SLC20A2: variants seen among roughly 807,000 people sequenced by gnomAD.
SLC20A2 encodes the protein sodium-dependent phosphate transporter 2.
In SLC20A2, 30 loss-of-function variants were observed where a neutral mutation model predicts 61.0. The ratio of observed to expected loss-of-function variants is 0.49; its 90% CI spans 0.37 to 0.67. The LOEUF is 0.67. SLC20A2 is among the 30% of genes least tolerant of loss of function. The pLI, the probability that SLC20A2 is intolerant of heterozygous loss-of-function variation, is 0.00. For synonymous variants in SLC20A2, 351 were observed against 353.3 expected (o/e 0.99, Z 0.07); for missense variants, 626 against 866.4 (o/e 0.72, Z 3.48).
intron 10 of SLC20A2, among the ~76,000 whole-genome samples, chr8:42,422,966 ATTTC>A (rs1803147225): frequency 6.6e-6 from 1 of 151,830 alleles, no homozygotes; most frequent in Non-Finnish European, 1.5e-5. Flanking sequence ...TTGCTTCTAT[ATTTC>A]TTACAACCTG....
intron 2 of SLC20A2, among the ~76,000 whole-genome samples, chr8:42,470,449 G>T (rs1201343363): frequency 6.6e-6 from 1 of 151,356 alleles, no homozygotes; most frequent in Admixed American, 6.6e-5. Flanking sequence ...AAACTCCTGG[G>T]ATCAAGTGGT....
chr8:42,472,411 T>G lies in SLC20A2; in HGVS notation c.-21A>C. Reference sequence around the variant, plus strand: ...GCCATTTTGGAAAGTGGGTGCCGGGTACTTTTCTTTTGCAGGAATATTTTA... The same window carrying G: ...GCCATTTTGGAAAGTGGGTGCCGGGGACTTTTCTTTTGCAGGAATATTTTA... On this transcript the variant is annotated 5_prime_UTR_variant, in exon 2 of 11. Transcript: ENST00000520262. The surrounding 1 kb of genome is among the most constrained non-coding windows in gnomAD (Gnocchi z 4.1). The G allele has an allele frequency of 6.3e-7, 1 of 1,598,548 alleles. No individual in the cohort carries two copies. Among genetic ancestry groups the G allele is most frequent in the Admixed American group, 1.7e-5 (1 of 57,788 alleles).
intron 2 of SLC20A2, among the ~76,000 whole-genome samples, chr8:42,467,655 C>A (rs925259897): frequency 6.6e-6 from 1 of 152,278 alleles, no homozygotes; most frequent in Middle Eastern, 3.4e-3. Context: ...GAGTGCTAGG[C>A]GTGCTGACCT....
In SLC20A2 at chr8:42,525,060, G is replaced by A. The variant is rs550121676; in HGVS notation, c.-265+16761C>T. ...AGTTTTAGTTCATCTTTTGTTAGCTGTCTACAGTAGCTGACTCTATATTGA... is the reference window on the plus strand; with the variant it reads ...AGTTTTAGTTCATCTTTTGTTAGCTATCTACAGTAGCTGACTCTATATTGA... On this transcript the variant is annotated intron_variant, in intron 1 of 10. Transcript: ENST00000342228. Among the ~76,000 whole-genome samples the A allele has an allele frequency of 1.2e-4, 18 of 152,180 alleles. No homozygotes were observed. In the South Asian group the frequency reaches 3.5e-3, roughly 30 times the overall value.
chr8:42,489,363 T>C (rs755886118), intron 1 of SLC20A2, among the ~76,000 whole-genome samples: 8 of 152,220 alleles, frequency 5.3e-5, no homozygotes, highest in Non-Finnish European at 1.0e-4. Flanking sequence ...GTACGTGTAA[T>C]GGCTGCTCTG....
intron 5 of SLC20A2, among the ~76,000 whole-genome samples, chr8:42,451,954 AGAG>A (rs1355270796): frequency 3.7e-4 from 36 of 96,392 alleles, no homozygotes; most frequent in African/African-American, 1.4e-3. Context: ...GAAGAGATGA[AGAG>A]GAGGAGGAGG....
chr8:42,514,181 G>A (rs1586245806), intron 1 of SLC20A2, among the ~76,000 whole-genome samples: 1 of 152,288 alleles, frequency 6.6e-6, no homozygotes, highest in Middle Eastern at 3.4e-3. Context: ...TTGGGTCCAG[G>A]CATCAGCAGT....
intron 1 of SLC20A2, among the ~76,000 whole-genome samples, chr8:42,533,950 C>T (rs1343721364): frequency 1.0e-5 from 1 of 98,168 alleles, no homozygotes; most frequent in Admixed American, 9.8e-5. Context: ...TCGTTACTTA[C>T]AAAAACTTCT....
At chr8:42,471,024 C>A in intron 2 of SLC20A2, 34 of 295,182 alleles carry the variant, frequency 1.2e-4, no homozygotes, top group East Asian at 3.2e-4. Context: ...AAATAAAGAA[C>A]TCGGGGGAAT....
intron 9 of SLC20A2, among the ~76,000 whole-genome samples, chr8:42,429,758 T>G (rs11993075): frequency 0.14 from 21,995 of 152,094 alleles, 3,820 homozygotes; most frequent in African/African-American, 0.42. Context: ...CCCACCTGCC[T>G]TTGGCCCCCG....
intron 10 of SLC20A2, among the ~76,000 whole-genome samples, chr8:42,423,338 T>C (rs1407563203): frequency 6.6e-6 from 1 of 152,038 alleles, no homozygotes; most frequent in Admixed American, 6.5e-5. Flanking sequence ...TTAAACTTTT[T>C]TTTTTTTTAA....
chr8:42,436,649 C>T (rs960527828), intron 8 of SLC20A2, among the ~76,000 whole-genome samples: 11 of 152,174 alleles, frequency 7.2e-5, no homozygotes, highest in Non-Finnish European at 1.3e-4. Flanking sequence ...TCCTGGAGAA[C>T]ACAGGTGTGT....
intron 8 of SLC20A2, among the ~76,000 whole-genome samples, chr8:42,431,092 TA>T (rs1306716799): frequency 3.9e-5 from 6 of 152,144 alleles, no homozygotes; most frequent in Non-Finnish European, 7.4e-5. Flanking sequence ...TCAGTTTAAA[TA>T]AAAAACTGGA....
intron 5 of SLC20A2, among the ~76,000 whole-genome samples, chr8:42,451,050 CT>C (rs1805596674): frequency 1.3e-5 from 2 of 152,122 alleles, no homozygotes; most frequent in Non-Finnish European, 2.9e-5. Flanking sequence ...GAGTGCAGGG[CT>C]CCTTCTCACA....
intron 10 of SLC20A2, among the ~76,000 whole-genome samples, chr8:42,428,226 G>C (rs888394755): frequency 1.3e-5 from 2 of 152,206 alleles, no homozygotes; most frequent in African/African-American, 4.8e-5. Context: ...TCCAGCTGCA[G>C]GTTTCAGAGC....
upstream of SLC20A2, chr8:42,502,636 G>A (rs928348606): frequency 6.6e-6 from 1 of 152,230 alleles, no homozygotes; most frequent in African/African-American, 2.4e-5. Flanking sequence ...GGCCTAACCT[G>A]AGGCTCTGTG....
rs752131006 is a variant in SLC20A2 at position 42,417,761 on chromosome 8, C to T, written c.*42G>A. ...CACACATGTCTCCCACACGCCAACACCAGACCATCCCTTTAGCTGTTTGCA... is the reference window on the plus strand; with the variant it reads ...CACACATGTCTCCCACACGCCAACATCAGACCATCCCTTTAGCTGTTTGCA... On this transcript the variant is annotated 3_prime_UTR_variant, in exon 11 of 11. Coordinates refer to ENST00000520262, the MANE Select transcript of SLC20A2 (RefSeq NM_001257180.2). 6.2e-7 allele frequency: 1 copy of T among 1,605,976 alleles called. No individual in the cohort carries two copies. Among genetic ancestry groups the T allele is most frequent in the South Asian group, 1.1e-5 (1 of 90,942 alleles).
chr8:42,505,993 T>C (rs1810675632), upstream of SLC20A2, among the ~76,000 whole-genome samples: 1 of 152,178 alleles, frequency 6.6e-6, no homozygotes, highest in African/African-American at 2.4e-5. Flanking sequence ...AAAGTCTCTG[T>C]CACAGTAGTG....
At chr8:42,476,796 C>T (rs964601515) in intron 1 of SLC20A2, among the ~76,000 whole-genome samples, 5 of 152,204 alleles carry the variant, frequency 3.3e-5, no homozygotes, top group Admixed American at 6.5e-5. Flanking sequence ...TCTTTCCTCT[C>T]TGTGGTTACA....
Sources: allele counts gnomAD v4.1 joint callset (sites outside exome capture counted in the v4.1 genomes callset), GRCh38; gene constraint gnomAD v4.1.1; non-coding constraint Gnocchi (gnomAD v3.1); transcripts MANE v1.5; gene names NCBI Gene and HGNC (gene_info 2026-07-23, HGNC 2026-07-21).